ALG13: variants seen among roughly 807,000 people sequenced by gnomAD.
ALG13 encodes UDP-N-acetylglucosamine transferase subunit ALG13.
A neutral mutation model predicts 87.8 loss-of-function variants in ALG13; 11 were observed. The ratio of observed to expected loss-of-function variants is 0.13; its 90% confidence interval spans 0.08 to 0.21. The LOEUF is 0.21. Ranked by LOEUF, ALG13 falls within the 10% of genes least tolerant of loss-of-function variation. The pLI, the probability that ALG13 is intolerant of heterozygous loss-of-function variation, is 1.00. For missense variants in ALG13, 756 were observed against 866.1 expected (o/e 0.87, Z 1.60); for synonymous variants, 320 against 306.3 (o/e 1.04, Z -0.47).
rs780958214 is a variant in ALG13 at position 111,688,189 on chromosome X, G to C, written c.383+3086G>C. 3.3e-5 allele frequency: 27 copies of C among 812,795 alleles called. No homozygotes were observed. In the South Asian group the frequency reaches 1.3e-3, roughly 40 times the overall value. 67.0% of individuals were successfully genotyped at this position (812,795 alleles called of 1,213,427 possible). On this transcript the variant is annotated intron_variant, in intron 3 of 26. Transcript: ENST00000394780. ...GGGTCCAAATCCTAATTGCAGTTTAGTGAAATTACTAGATTTTTTTCTAAT... is the reference window on the plus strand; with the variant it reads ...GGGTCCAAATCCTAATTGCAGTTTACTGAAATTACTAGATTTTTTTCTAAT...
At chrX:111,709,136 A>G (rs1312395811) in intron 5 of ALG13, 88 bp downstream of exon 5, 9 of 464,284 alleles carry the variant, frequency 1.9e-5, no homozygotes, top group Non-Finnish European at 3.1e-5. Flanking sequence ...ATTAAACTAT[A>G]TCATGCTGTC....
chrX:111,727,294 G>A (rs1477111311), intron 16 of ALG13, 38 bp from the exon 17 acceptor site: 1 of 1,067,310 alleles, frequency 9.4e-7, no homozygotes. Context: ...AGGTATTAGT[G>A]AATAGAGAGT....
intron 23 of ALG13, among the ~76,000 whole-genome samples, chrX:111,737,398 A>G (rs747838869): frequency 7.1e-5 from 8 of 112,055 alleles, no homozygotes; most frequent in Non-Finnish European, 1.5e-4. Flanking sequence ...GATAGTACCA[A>G]TTCATGAAGT....
chrX:111,684,991 G>C lies in ALG13; in HGVS notation c.271G>C (p.Glu91Gln). The C allele has an allele frequency of 3.3e-6, 4 of 1,208,706 alleles. No homozygotes were observed. The highest frequency in any genetic ancestry group is 4.5e-6 in the Non-Finnish European group (4 of 894,205). Residue 91 changes from glutamate to glutamine, a missense_variant, in exon 3 of 27, where the codon GAA (glutamate) becomes CAA (glutamine). Physicochemically the swap from Glu to Gln is conservative, Grantham distance 29 (BLOSUM62 2). Transcript: ENST00000394780. ...AGAGSCLETL[E>Q]KGKPLVVVIN... is the part of the protein sequence containing the mutation. ...TGCAGGAAGCTGTTTGGAGACTCTG[G>C]AAAAAGGAAAGCCACTCGTAGTGGT...
chrX:111,755,972 T>TATAAAGAC (rs1945210925), intron 25 of ALG13, among the ~76,000 whole-genome samples: 1 of 112,589 alleles, frequency 8.9e-6, no homozygotes, highest in African/African-American at 3.2e-5. Flanking sequence ...CATGTATGTT[T>TATAAAGAC]ACTGCAGCAC....
intron 21 of ALG13, 79 bp from the exon 22 acceptor site, chrX:111,734,972 A>G: frequency 1.5e-6 from 1 of 689,599 alleles, no homozygotes; most frequent in Admixed American, 2.9e-5. Flanking sequence ...GATCACTTTC[A>G]TATAGTTTTA....
chrX:111,734,075 A>G (rs1039128483), intron 21 of ALG13, among the ~76,000 whole-genome samples: 10 of 111,951 alleles, frequency 8.9e-5, no homozygotes, highest in African/African-American at 2.9e-4. Flanking sequence ...AGATTGCTAG[A>G]TTGTGAAGAT....
intron 17 of ALG13, 66 bp from the exon 18 acceptor site, chrX:111,727,548 T>G: frequency 9.0e-7 from 1 of 1,114,814 alleles, no homozygotes; most frequent in African/African-American, 1.8e-5. Flanking sequence ...GAACTGTTAT[T>G]TAGAAATTAG....
chrX:111,709,842 G>A, intron 5 of ALG13, among the ~76,000 whole-genome samples: 2 of 110,858 alleles, frequency 1.8e-5, no homozygotes, highest in Middle Eastern at 4.6e-3. Flanking sequence ...TTAAAAGCTT[G>A]TTACCTTGAA....
chrX:111,758,774 T>C (rs140863054), intron 26 of ALG13, among the ~76,000 whole-genome samples: 234 of 111,969 alleles, frequency 2.1e-3, no homozygotes, highest in Non-Finnish European at 2.9e-3. Flanking sequence ...CATCAAAGAA[T>C]ATCTACAATT....
intron 23 of ALG13, 72 bp from the exon 24 acceptor site, chrX:111,744,596 A>C: frequency 5.6e-6 from 6 of 1,070,476 alleles, no homozygotes; most frequent in Non-Finnish European, 7.6e-6. Context: ...GAGACAAGAA[A>C]AGTAGATGAG....
chrX:111,720,201 A>G (rs369242566), intron 11 of ALG13, 31 bp downstream of exon 11: 1 of 1,051,380 alleles, frequency 9.5e-7, no homozygotes, highest in Non-Finnish European at 1.3e-6. Context: ...AAGAATTTTC[A>G]TAGTCTTGGC....
chrX:111,701,557 C>T lies in ALG13; in HGVS notation c.384-6470C>T, dbSNP rs188773638. Among the ~76,000 whole-genome samples, 1,073 of 111,583 alleles carry T rather than the reference C, an allele frequency of 9.6e-3. 11 individuals carry two copies. The highest frequency in any genetic ancestry group is 0.014 in the Non-Finnish European group (720 of 52,981). On this transcript the variant is annotated intron_variant, in intron 3 of 26. Transcript: ENST00000394780. ...GATAACAGTTGTAATGTCTCCTATT[C>T]CATTTCTGATTTGAGTCTTTTTCTC...
At chrX:111,710,103 C>T (rs1324336585) in intron 5 of ALG13, among the ~76,000 whole-genome samples, 3 of 108,650 alleles carry the variant, frequency 2.8e-5, no homozygotes, top group Non-Finnish European at 3.8e-5. Flanking sequence ...GATCACGGCT[C>T]GCTGCAGCCT....
chrX:111,718,255 A>G lies in ALG13; in HGVS notation c.1231A>G (p.Lys411Glu). The G allele has an allele frequency of 1.7e-6, 2 of 1,193,791 alleles. No individual in the cohort carries two copies. The highest frequency in any genetic ancestry group is 2.3e-6 in the Non-Finnish European group (2 of 885,252). The change falls in exon 10 of 27, where the codon AAG (lysine) becomes GAG (glutamate). Residue 411 changes from lysine to glutamate, a missense_variant. By Grantham distance (56) the Lys-to-Glu change is moderately conservative. Around this residue, in one of 9 missense-constraint regions of ALG13, gnomAD observed 48 missense variants for 50.5 expected, o/e 0.95. Transcript: ENST00000394780. The stretch of plus-strand genomic sequence containing the variant: ...AAGCGAGGATGCCCATACTGATTAC[A>G]AGAGTTCAAATCAGAATAGGTAATA... ...TGSEDAHTDY[K>E]SSNQNRMEEW...
intron 3 of ALG13, among the ~76,000 whole-genome samples, chrX:111,693,870 C>T (rs1181155151): frequency 9.0e-6 from 1 of 110,566 alleles, no homozygotes; most frequent in Non-Finnish European, 1.9e-5. Context: ...TGCAGGACCT[C>T]ATGGCCCCGG....
chrX:111,687,863 A>G, intron 3 of ALG13: 1 of 1,134,342 alleles, frequency 8.8e-7, no homozygotes, highest in Non-Finnish European at 1.2e-6. Context: ...CATGTTACCT[A>G]ATATTTTTCT....
In ALG13 at chrX:111,724,406, T is replaced by C. The variant is rs974014101; in HGVS notation, c.1601+508T>C. Among the ~76,000 whole-genome samples, 15 of 111,927 alleles carry C rather than the reference T, an allele frequency of 1.3e-4. No individual in the cohort carries two copies. In the Admixed American group the frequency reaches 1.4e-3, roughly 11 times the overall value. On this transcript the variant is annotated intron_variant, in intron 14 of 26. Coordinates refer to ENST00000394780, the MANE Select transcript of ALG13 (RefSeq NM_001099922.3). ...TGCTGCTGGTCCACTTTGAGAACCA[T>C]TAAATGAGGCTGTGCTGCTCTAACA... is the stretch of plus-strand genomic sequence containing the variant.
rs1933023677 is a variant in ALG13, at chrX:111,681,229, T to C, written c.11T>C (p.Val4Ala). The change falls in exon 1 of 27, where the codon GTG becomes GCG. Residue 4 changes from valine to alanine, a missense_variant. Val to Ala is a moderately conservative substitution (Grantham distance 64). Transcript: ENST00000394780. MKCVFVTVGTTSFD... is the reference protein window; with the variant it reads MKCAFVTVGTTSFD... ...TGAGGAACCCGCGCCATGAAGTGCG[T>C]GTTTGTTACCGTAGGGACCACCAGC... The C allele has an allele frequency of 5.0e-6, 6 of 1,210,589 alleles. No homozygotes were observed. Among genetic ancestry groups the C allele is most frequent in the East Asian group, 5.9e-5 (2 of 33,727 alleles).
Sources: allele counts gnomAD v4.1 joint callset (sites outside exome capture counted in the v4.1 genomes callset), GRCh38; gene constraint gnomAD v4.1.1; regional missense constraint gnomAD v4.1.1; transcripts MANE v1.5; gene names NCBI Gene and HGNC (gene_info 2026-07-23, HGNC 2026-07-21).